The following NDE1 variants were observed in gnomAD, a reference collection of about 807,000 sequenced individuals.
The protein encoded by NDE1 is nuclear distribution protein nudE homolog 1.
Under a neutral mutation model 43.4 loss-of-function variants are expected in NDE1, and 28 were observed. That is an observed-to-expected ratio of 0.65 (90% confidence interval 0.48 to 0.89). NDE1 has a LOEUF of 0.89. Ranked by LOEUF, NDE1 falls within the 40% of genes least tolerant of loss-of-function variation. NDE1 has a pLI of 0.00. For missense variants in NDE1, 441 were observed against 434.1 expected, an observed-to-expected ratio of 1.02 and a Z score of -0.14; for synonymous variants, 184 against 172.0, an observed-to-expected ratio of 1.07 and a Z score of -0.55.
rs12907 is a variant in NDE1, at chr16:15,724,796, G to A, written c.*545G>A. The A allele has an allele frequency of 0.029, 46,990 of 1,613,774 alleles. 2,817 individuals carry two copies. The highest frequency in any genetic ancestry group is 0.26 in the African/African-American group (19,185 of 74,966). On this transcript the variant is annotated 3_prime_UTR_variant, in exon 9 of 9. Coordinates refer to ENST00000396354, the MANE Select transcript of NDE1 (RefSeq NM_017668.3). ...TTCTGCCGGGTTTCTTCTTGAAGCA[G>A]CTCCTGCAAAAGGGATGCAAAGAGG...
intron 4 of NDE1, chr16:15,687,067 C>G: frequency 1.6e-6 from 2 of 1,244,046 alleles, no homozygotes; most frequent in Non-Finnish European, 2.0e-6. Context: ...GTGGTCTTCT[C>G]AAACCACCAA....
At chr16:15,666,346 C>T (rs2037306826) in intron 2 of NDE1, among the ~76,000 whole-genome samples, 1 of 152,182 alleles carries the variant, frequency 6.6e-6, no homozygotes, top group African/African-American at 2.4e-5. Context: ...GGTCCAGGCA[C>T]AGTGGCTCAC....
At chr16:15,718,222 A>C in intron 8 of NDE1, 3 of 1,591,062 alleles carry the variant, frequency 1.9e-6, no homozygotes, top group Non-Finnish European at 2.6e-6. Flanking sequence ...GGGCCTGCAC[A>C]CAGGAAGCCG....
chr16:15,719,223 C>T, intron 8 of NDE1: 1 of 1,613,686 alleles, frequency 6.2e-7, no homozygotes, highest in Non-Finnish European at 8.5e-7. Flanking sequence ...TTCCTACCTT[C>T]CCGACAGGCT....
chr16:15,708,161 G>GA (rs754960973), intron 8 of NDE1, among the ~76,000 whole-genome samples: 8 of 152,154 alleles, frequency 5.3e-5, no homozygotes, highest in Non-Finnish European at 8.8e-5. Flanking sequence ...CCCGTGTGCT[G>GA]AAAATGCAGT....
At chr16:15,676,387 T>G (rs969526784) in intron 3 of NDE1, among the ~76,000 whole-genome samples, 5 of 152,026 alleles carry the variant, frequency 3.3e-5, no homozygotes, top group African/African-American at 1.2e-4. Flanking sequence ...TTTTTTTGTA[T>G]TTTTAGTAGA....
At chr16:15,699,817 C>T (rs1422985135) in intron 8 of NDE1, 4 of 1,350,754 alleles carry the variant, frequency 3.0e-6, no homozygotes, top group East Asian at 4.5e-5. Flanking sequence ...CAAGATGTTG[C>T]TTTAGGAAAA....
At chr16:15,678,093 CG>C (rs1167870354) in intron 4 of NDE1, 144 bp downstream of exon 4, 6 of 1,064,762 alleles carry the variant, frequency 5.6e-6, no homozygotes, top group East Asian at 2.5e-5. Flanking sequence ...TTTTAGTGCC[CG>C]GGGGGAAATG....
At chr16:15,719,622 G>A in intron 8 of NDE1, 1 of 1,614,174 alleles carries the variant, frequency 6.2e-7, no homozygotes, top group Non-Finnish European at 8.5e-7. Flanking sequence ...CAAGCTCTTG[G>A]CTTTCTTCTC....
At chr16:15,679,847 C>T (rs1190728466) in intron 4 of NDE1, among the ~76,000 whole-genome samples, 1 of 152,184 alleles carries the variant, frequency 6.6e-6, no homozygotes, top group Non-Finnish European at 1.5e-5. Flanking sequence ...GGTGCGATCT[C>T]TGCTCACTGC....
chr16:15,687,504 A>G lies in NDE1; in HGVS notation c.516A>G (p.Glu172=), dbSNP rs1444766038. ...AATCTGTTCAGAGACTGAAGGATGAAGCCAGAGGTCAGGAGGCCTTGGTGT... is the reference window on the plus strand; with the variant it reads ...AATCTGTTCAGAGACTGAAGGATGAGGCCAGAGGTCAGGAGGCCTTGGTGT... ...LLESVQRLKD[E]ARDLRQELAV... is the part of the protein sequence containing the mutation. The change falls in exon 5 of 9, where the codon GAA becomes GAG. Residue 172 remains glutamate (E), a synonymous_variant. Transcript: ENST00000396354. The G allele has an allele frequency of 6.2e-7, 1 of 1,613,872 alleles. No individual in the cohort carries two copies. Among genetic ancestry groups the G allele is most frequent in the Non-Finnish European group, 8.5e-7 (1 of 1,179,974 alleles).
chr16:15,718,130 C>G (rs1163653251), intron 8 of NDE1: 2 of 918,126 alleles, frequency 2.2e-6, no homozygotes, highest in Admixed American at 2.2e-5. Flanking sequence ...GAGGAGTATT[C>G]TGAAGACAGC....
chr16:15,683,015 A>T (rs1361229765), intron 4 of NDE1, among the ~76,000 whole-genome samples: 3 of 143,852 alleles, frequency 2.1e-5, no homozygotes, highest in Admixed American at 7.0e-5. Context: ...CAACTTACAC[A>T]TTTTTTTTTT....
intron 8 of NDE1, among the ~76,000 whole-genome samples, chr16:15,707,005 C>A (rs770191974): frequency 2.2e-4 from 34 of 152,090 alleles, no homozygotes; most frequent in Non-Finnish European, 4.1e-4. Context: ...AAGGGACCCC[C>A]CTAAAGGTTT....
At chr16:15,703,271 CTG>C (rs2039283361) in intron 8 of NDE1, 1 of 220,886 alleles carries the variant, frequency 4.5e-6, no homozygotes, top group Non-Finnish European at 9.1e-6. Flanking sequence ...ACTTGGTGAA[CTG>C]TGCGTGTCTG....
chr16:15,687,120 T>C (rs1240274814), intron 4 of NDE1: 2 of 1,362,342 alleles, frequency 1.5e-6, no homozygotes, highest in Non-Finnish European at 9.5e-7. Flanking sequence ...TATTGCTGAG[T>C]GCTGTGTGGG....
At chr16:15,717,400 C>A (rs761304474) in intron 8 of NDE1, 2 of 1,578,952 alleles carry the variant, frequency 1.3e-6, no homozygotes, top group Non-Finnish European at 1.7e-6. Context: ...CCCAAGAGAG[C>A]GCACTGAGAC....
At chr16:15,661,018 A>G (rs1270032651) in intron 1 of NDE1, among the ~76,000 whole-genome samples, 1 of 152,070 alleles carries the variant, frequency 6.6e-6, no homozygotes, top group Non-Finnish European at 1.5e-5. Context: ...TCAAATGGAT[A>G]TTGTTGACCC....
chr16:15,711,075 G>T (rs1486747859), intron 8 of NDE1: 1 of 152,244 alleles, frequency 6.6e-6, no homozygotes, highest in Non-Finnish European at 1.5e-5. Context: ...CCTAGGCCTG[G>T]TTTCTCTCCT....
Sources: gnomAD v4.1 joint callset for allele counts (sites outside exome capture counted in the v4.1 genomes callset) on GRCh38, gnomAD v4.1.1 for gene constraint, MANE v1.5 for transcripts, NCBI Gene and HGNC (gene_info 2026-07-23, HGNC 2026-07-21) for gene names.